JPH3: variants seen among roughly 807,000 people sequenced by gnomAD.
JPH3 encodes junctophilin 3.
Under a neutral mutation model 59.6 loss-of-function variants are expected in JPH3, and 11 were observed. The observed-to-expected ratio is 0.18, with a 90% CI of 0.12 to 0.31. The LOEUF (loss-of-function observed/expected upper bound fraction) is 0.31, where lower values mean the gene tolerates loss of function less well. Among genes scored for constraint, JPH3 ranks in the 10% least tolerant of loss-of-function variants. The probability of loss-of-function intolerance (pLI) is 1.00; values close to 1 mark genes in which losing one functional copy is unlikely to be tolerated. For missense variants in JPH3, 1,202 were observed against 1,105.7 expected (o/e 1.09, Z -1.24); for synonymous variants, 673 against 483.6 (o/e 1.39, Z -5.14).
intron 1 of JPH3, among the ~76,000 whole-genome samples, chr16:87,607,797 G>T (rs912085402): frequency 1.3e-4 from 20 of 152,234 alleles, no homozygotes; most frequent in African/African-American, 4.8e-4. Flanking sequence ...AGGTTCATTG[G>T]TGCGGAGATT....
chr16:87,648,535 C>T (rs898716952), intron 2 of JPH3, among the ~76,000 whole-genome samples: 2 of 152,188 alleles, frequency 1.3e-5, no homozygotes, highest in Non-Finnish European at 2.9e-5. Flanking sequence ...CCGCGGAGTG[C>T]CGGGCCCTTC....
intron 1 of JPH3, among the ~76,000 whole-genome samples, chr16:87,632,476 T>C (rs1479781984): frequency 9.9e-5 from 15 of 152,234 alleles, no homozygotes; most frequent in Non-Finnish European, 1.8e-4. Context: ...AGATGGAGTC[T>C]TGCTCTGCCA....
In JPH3 at chr16:87,690,224, G is replaced by C. The variant is rs780177994; in HGVS notation, c.1864G>C (p.Glu622Gln). Residue 622 changes from glutamate (E) to glutamine (Q), a missense_variant, in exon 4 of 5, where the codon GAG becomes CAG. Physicochemically the swap from Glu to Gln is conservative, Grantham distance 29. Coordinates refer to ENST00000284262, the MANE Select transcript of JPH3 (RefSeq NM_020655.4). ...GGAGATGAAACCCTTGCTGAGGATG[G>C]AGACGCATCCCCAGAAAAGACGCTA... is the stretch of plus-strand genomic sequence containing the variant. Reference protein sequence around the residue: ...RMEMKPLLRMETHPQKRRYSK... With the variant: ...RMEMKPLLRMQTHPQKRRYSK... 2.5e-6 allele frequency: 4 copies of C among 1,604,604 alleles called. No homozygotes were observed. In the East Asian group the frequency reaches 9.0e-5, roughly 36 times the overall value.
chr16:87,676,462 G>T (rs966498086), intron 2 of JPH3, among the ~76,000 whole-genome samples: 1 of 152,156 alleles, frequency 6.6e-6, no homozygotes, highest in African/African-American at 2.4e-5. Context: ...TAGCCGGGGT[G>T]CAGTGGTTCA....
intron 2 of JPH3, among the ~76,000 whole-genome samples, chr16:87,661,238 C>T (rs541534739): frequency 3.3e-4 from 50 of 152,300 alleles, no homozygotes; most frequent in South Asian, 1.2e-3. Context: ...CCTTGTGGTT[C>T]GGGGTCATCT....
chr16:87,605,350 G>A lies in JPH3; in HGVS notation c.382+1822G>A, dbSNP rs116528540. Among the ~76,000 whole-genome samples, 1,369 of 152,284 alleles carry A rather than the reference G, an allele frequency of 9.0e-3. 20 individuals are homozygous for A. Among genetic ancestry groups the A allele is most frequent in the African/African-American group, 0.031 (1,286 of 41,558 alleles). Reference sequence around the variant, plus strand: ...TTTCTTTCATTCAACAAATACTGATGGAATGTTTGCTATGAGCCAGGTGTG... The same window carrying A: ...TTTCTTTCATTCAACAAATACTGATAGAATGTTTGCTATGAGCCAGGTGTG... On this transcript the variant is annotated intron_variant, in intron 1 of 4. Transcript: ENST00000284262.
intron 1 of JPH3, among the ~76,000 whole-genome samples, chr16:87,616,284 A>G (rs1244888120): frequency 1.4e-5 from 2 of 141,556 alleles, no homozygotes; most frequent in Non-Finnish European, 3.0e-5. Context: ...CCCAGGCGGG[A>G]GAGCAGTGGC....
chr16:87,623,747 A>G (rs1021166049), intron 1 of JPH3, among the ~76,000 whole-genome samples: 1 of 152,090 alleles, frequency 6.6e-6, no homozygotes, highest in Non-Finnish European at 1.5e-5. Context: ...CCCACAACGC[A>G]TGGGCCACAA....
intron 2 of JPH3, among the ~76,000 whole-genome samples, chr16:87,678,649 A>G (rs556369497): frequency 6.6e-6 from 1 of 152,294 alleles, no homozygotes; most frequent in East Asian, 1.9e-4. Context: ...CTGCCTGGCA[A>G]CTCACTTCCA....
At chr16:87,621,604 C>T (rs1348520762) in intron 1 of JPH3, among the ~76,000 whole-genome samples, 2 of 152,240 alleles carry the variant, frequency 1.3e-5, no homozygotes, top group Admixed American at 6.5e-5. Context: ...GCTGTGCAAA[C>T]ACCCGGGACT....
At chr16:87,651,039 C>T (rs894791324) in intron 2 of JPH3, among the ~76,000 whole-genome samples, 4 of 152,170 alleles carry the variant, frequency 2.6e-5, no homozygotes, top group African/African-American at 9.7e-5. Flanking sequence ...TGTTAGGGGC[C>T]AGCACAGCTG....
At chr16:87,652,960 G>C (rs1306197284) in intron 2 of JPH3, among the ~76,000 whole-genome samples, 1 of 152,232 alleles carries the variant, frequency 6.6e-6, no homozygotes, top group Non-Finnish European at 1.5e-5. Flanking sequence ...AGGCTCTTCT[G>C]TCGGCTCAGG....
In JPH3 at chr16:87,681,664, G is replaced by A. The variant is rs550108121; in HGVS notation, c.1161-2478G>A. On this transcript the variant is annotated intron_variant, in intron 2 of 4. Transcript: ENST00000284262. ...CAGTGCCGGGAGGTCAGGTGCGCGC[G>A]GTGGTGACAGTTCCGGGAGGTCAGG... is the stretch of plus-strand genomic sequence containing the variant. Among the ~76,000 whole-genome samples, 10 of 152,068 alleles carry A rather than the reference G, an allele frequency of 6.6e-5. No homozygotes were observed. The South Asian group carries it at 1.9e-3, about 28-fold the overall frequency.
chr16:87,612,521 G>A (rs983614925), intron 1 of JPH3, among the ~76,000 whole-genome samples: 3 of 152,136 alleles, frequency 2.0e-5, no homozygotes, highest in Non-Finnish European at 4.4e-5. Context: ...CATCTGGAGC[G>A]TCTGTAGCTG....
chr16:87,668,448 T>C (rs1261837120), intron 2 of JPH3, among the ~76,000 whole-genome samples: 1 of 152,176 alleles, frequency 6.6e-6, no homozygotes, highest in East Asian at 1.9e-4. Flanking sequence ...TCAGTTCCCT[T>C]CACTGAGCCT....
intron 2 of JPH3, among the ~76,000 whole-genome samples, chr16:87,645,811 T>C (rs1271239447): frequency 2.0e-5 from 3 of 152,086 alleles, no homozygotes; most frequent in African/African-American, 7.2e-5. Context: ...CGCCAAGCTG[T>C]GGCTGGCAGG....
At chr16:87,647,844 G>C (rs1215098974) in intron 2 of JPH3, among the ~76,000 whole-genome samples, 1 of 152,222 alleles carries the variant, frequency 6.6e-6, no homozygotes, top group African/African-American at 2.4e-5. Context: ...GAGAGGAGGT[G>C]TCAGGCCTCA....
intron 2 of JPH3, among the ~76,000 whole-genome samples, chr16:87,672,294 C>T (rs1018179251): frequency 1.3e-5 from 2 of 152,184 alleles, no homozygotes; most frequent in Non-Finnish European, 2.9e-5. Context: ...AGTCCCTCTC[C>T]ATCCCTCCCT....
At chr16:87,647,726 C>A (rs77012768) in intron 2 of JPH3, among the ~76,000 whole-genome samples, 4 of 152,232 alleles carry the variant, frequency 2.6e-5, no homozygotes, top group African/African-American at 9.6e-5. Flanking sequence ...GCCTCCTCAC[C>A]GCTGTGCACA....
Sources: gnomAD v4.1 joint callset for allele counts (sites outside exome capture counted in the v4.1 genomes callset) on GRCh38, gnomAD v4.1.1 for gene constraint, MANE v1.5 for transcripts, NCBI Gene and HGNC (gene_info 2026-07-23, HGNC 2026-07-21) for gene names.